Variants in LRP1B observed in about 807,000 individuals in gnomAD.
LRP1B encodes the protein low-density lipoprotein receptor-related protein 1B.
A neutral mutation model predicts 556.6 loss-of-function variants in LRP1B; 217 were observed. That is an observed-to-expected ratio of 0.39 (90% CI 0.35 to 0.44). The LOEUF is 0.44. Among genes scored for constraint, LRP1B ranks in the 20% least tolerant of loss-of-function variants. The pLI, the probability that LRP1B is intolerant of heterozygous loss-of-function variation, is 1.00. For missense variants in LRP1B, 5,053 were observed against 5,620.8 expected, an observed-to-expected ratio of 0.90 and a Z score of 3.23; for synonymous variants, 2,047 against 1,865.8, an observed-to-expected ratio of 1.10 and a Z score of -2.50.
At position 141,219,686 on chromosome 2, in the gene LRP1B, T is replaced by G. The variant is rs1302140465; in HGVS notation, c.850+9497A>C. The stretch of plus-strand genomic sequence containing the variant: ...CCTCATACCAGAGTGTTTTGGCTGG[T>G]ATTAGCTTGGTGCCCCTCTGAGATG... On this transcript the variant is annotated intron_variant, in intron 6 of 90. Coordinates refer to ENST00000389484, the MANE Select transcript of LRP1B (RefSeq NM_018557.3). Among the ~76,000 whole-genome samples, 7 of 152,024 alleles carry G rather than the reference T, an allele frequency of 4.6e-5. No individual in the cohort carries two copies. The East Asian group carries it at 1.4e-3, about 30-fold the overall frequency.
chr2:140,485,640 T>A (rs1371200759), intron 58 of LRP1B, 116 bp from the exon 59 acceptor site: 2 of 714,484 alleles, frequency 2.8e-6, no homozygotes, highest in Non-Finnish European at 4.5e-6. Flanking sequence ...AGAATGGAAC[T>A]TAGATAAGAA....
At position 141,215,863 on chromosome 2, in the gene LRP1B, G is replaced by A. The variant is rs1682782945; in HGVS notation, c.850+13320C>T. 2.0e-5 allele frequency among the ~76,000 whole-genome samples: 3 copies of A among 152,342 alleles called. No individual in the cohort carries two copies. The South Asian group carries it at 6.2e-4, about 32-fold the overall frequency. ...AACGTTGGAATTTGTATTTAAACAGGAAGCAGAGTATAAAAGTTTGGAAAG... is the reference window on the plus strand; with the variant it reads ...AACGTTGGAATTTGTATTTAAACAGAAAGCAGAGTATAAAAGTTTGGAAAG... On this transcript the variant is annotated intron_variant, in intron 6 of 90. Coordinates refer to ENST00000389484, the MANE Select transcript of LRP1B (RefSeq NM_018557.3).
intron 1 of LRP1B, among the ~76,000 whole-genome samples, chr2:142,060,900 G>A (rs1157005662): frequency 4.6e-5 from 7 of 151,950 alleles, no homozygotes; most frequent in Admixed American, 6.6e-5. Flanking sequence ...AAGCATAACC[G>A]TGTATGTCCT....
At chr2:140,991,685 T>C (rs988916897) in intron 16 of LRP1B, among the ~76,000 whole-genome samples, 1 of 152,098 alleles carries the variant, frequency 6.6e-6, no homozygotes, top group African/African-American at 2.4e-5. Context: ...TAATAAAGAA[T>C]TGTACAGCAG....
chr2:141,640,230 A>G (rs543889407), intron 2 of LRP1B, among the ~76,000 whole-genome samples: 1 of 152,306 alleles, frequency 6.6e-6, no homozygotes, highest in South Asian at 2.1e-4. Flanking sequence ...ATTACTCGTA[A>G]AACTATCAAG....
At chr2:140,634,014 C>A (rs926917489) in intron 41 of LRP1B, among the ~76,000 whole-genome samples, 3 of 152,014 alleles carry the variant, frequency 2.0e-5, no homozygotes, top group African/African-American at 7.3e-5. Context: ...AACGGCAGAC[C>A]AATGTTTCTC....
rs1414935429 is a variant in LRP1B, at chr2:140,888,736, C to T, written c.3767-2401G>A. Reference sequence around the variant, plus strand: ...CCCAGCACTTTGGGAAGCCAAGGCTCGTGGATCACCTGAGGTCAGGAGTTT... The same window carrying T: ...CCCAGCACTTTGGGAAGCCAAGGCTTGTGGATCACCTGAGGTCAGGAGTTT... On this transcript the variant is annotated intron_variant, in intron 23 of 90. Transcript: ENST00000389484. Among the ~76,000 whole-genome samples the T allele has an allele frequency of 4.0e-5, 6 of 151,648 alleles. No homozygotes were observed. In the South Asian group the frequency reaches 8.3e-4, roughly 21 times the overall value.
At chr2:140,501,393 C>G (rs1279132709) in intron 55 of LRP1B, among the ~76,000 whole-genome samples, 2 of 151,930 alleles carry the variant, frequency 1.3e-5, no homozygotes, top group Non-Finnish European at 2.9e-5. Context: ...CGTATTTATA[C>G]AGCTATTAAC....
At chr2:141,164,860 G>A (rs535495154) in intron 7 of LRP1B, among the ~76,000 whole-genome samples, 1 of 152,106 alleles carries the variant, frequency 6.6e-6, no homozygotes, top group South Asian at 2.1e-4. Context: ...TCTGCTGATT[G>A]AAAATTTCTT....
intron 3 of LRP1B, among the ~76,000 whole-genome samples, chr2:141,327,474 A>C (rs1391793353): frequency 6.6e-6 from 1 of 152,162 alleles, no homozygotes; most frequent in Non-Finnish European, 1.5e-5. Flanking sequence ...GTCTCGGTAA[A>C]CCTTAATAAA....
At chr2:141,126,189 G>C (rs1332878577) in intron 7 of LRP1B, among the ~76,000 whole-genome samples, 2 of 151,872 alleles carry the variant, frequency 1.3e-5, no homozygotes, top group African/African-American at 4.8e-5. Flanking sequence ...CTGTCACCAC[G>C]CCTGACTAAT....
At chr2:141,058,825 G>A (rs2105462231) in intron 9 of LRP1B, 58 bp downstream of exon 9, 2 of 1,405,860 alleles carry the variant, frequency 1.4e-6, no homozygotes, top group Non-Finnish European at 1.9e-6. Context: ...AAAGCACAAG[G>A]ACTATATCCC....
intron 7 of LRP1B, among the ~76,000 whole-genome samples, chr2:141,104,901 A>G (rs896029260): frequency 3.9e-5 from 6 of 152,138 alleles, no homozygotes; most frequent in Middle Eastern, 3.4e-3. Flanking sequence ...AGCAAAATGT[A>G]TTATTAAGAG....
At chr2:141,364,261 G>A (rs1384363566) in intron 3 of LRP1B, among the ~76,000 whole-genome samples, 1 of 130,888 alleles carries the variant, frequency 7.6e-6, no homozygotes, top group Admixed American at 7.6e-5. Context: ...GATATAACCT[G>A]GAGGAAATAA....
intron 2 of LRP1B, among the ~76,000 whole-genome samples, chr2:141,666,356 T>A (rs751478083): frequency 3.5e-4 from 53 of 152,100 alleles, no homozygotes; most frequent in Non-Finnish European, 6.0e-4. Flanking sequence ...ATGGTGGCAA[T>A]CAAATCCCAT....
chr2:141,886,139 G>T (rs890900196), intron 1 of LRP1B, among the ~76,000 whole-genome samples: 4 of 152,092 alleles, frequency 2.6e-5, no homozygotes, highest in African/African-American at 9.7e-5. Context: ...TATGCAGGCT[G>T]GTAATCACTA....
intron 7 of LRP1B, among the ~76,000 whole-genome samples, chr2:141,089,639 G>C (rs1700129147): frequency 6.6e-6 from 1 of 152,156 alleles, no homozygotes; most frequent in African/African-American, 2.4e-5. Context: ...GCATCCCACT[G>C]GGGAAACTTT....
At chr2:141,744,464 A>T (rs1693838250) in intron 2 of LRP1B, among the ~76,000 whole-genome samples, 1 of 152,162 alleles carries the variant, frequency 6.6e-6, no homozygotes, top group African/African-American at 2.4e-5. Flanking sequence ...TTCTGCAGTC[A>T]TTGGATAAAA....
chr2:140,803,218 T>G (rs1690575783), intron 32 of LRP1B, among the ~76,000 whole-genome samples: 1 of 150,076 alleles, frequency 6.7e-6, no homozygotes, highest in South Asian at 2.1e-4. Flanking sequence ...ACTTAAGCAC[T>G]TAAGCCCTGA....
Sources: gnomAD v4.1 joint callset for allele counts (sites outside exome capture counted in the v4.1 genomes callset) on GRCh38, gnomAD v4.1.1 for gene constraint, MANE v1.5 for transcripts, NCBI Gene and HGNC (gene_info 2026-07-23, HGNC 2026-07-21) for gene names.